Variants in FGD6 observed in about 807,000 individuals in gnomAD.
FGD6 encodes FYVE, RhoGEF and PH domain containing 6, also known as FYVE, RhoGEF and PH domain-containing protein 6.
FGD6 carries 90 observed loss-of-function variants against 149.4 expected under a neutral mutation model. The ratio of observed to expected loss-of-function variants is 0.60; its 90% CI spans 0.51 to 0.72. FGD6 has a LOEUF of 0.72. FGD6 is among the 30% of genes least tolerant of loss of function. FGD6 has a pLI of 0.00. For missense variants in FGD6, 1,437 were observed against 1,684.8 expected (o/e 0.85, Z 2.57); for synonymous variants, 527 against 584.0 (o/e 0.90, Z 1.41).
chr12:95,201,022 CTT>C (rs370984599), intron 2 of FGD6, among the ~76,000 whole-genome samples: 5 of 143,884 alleles, frequency 3.5e-5, no homozygotes, highest in Admixed American at 7.0e-5. Flanking sequence ...GTCTAGTCTG[CTT>C]TTTTTTTTTT....
At chr12:95,178,930 C>A (rs1881205462) in intron 2 of FGD6, among the ~76,000 whole-genome samples, 1 of 151,974 alleles carries the variant, frequency 6.6e-6, no homozygotes, top group African/African-American at 2.4e-5. Flanking sequence ...AACAACTGAG[C>A]CTTTCAAACT....
intron 8 of FGD6, among the ~76,000 whole-genome samples, chr12:95,119,881 C>CT (rs1297238018): frequency 2.0e-5 from 3 of 152,122 alleles, no homozygotes; most frequent in Non-Finnish European, 2.9e-5. Flanking sequence ...GATTGTGCCA[C>CT]TGCACTCCAG....
chr12:95,101,154 G>C (rs1274360279), intron 14 of FGD6: 2 of 150,534 alleles, frequency 1.3e-5, no homozygotes, highest in Non-Finnish European at 2.9e-5. Flanking sequence ...TGGCCAACAT[G>C]GTGAAACCCC....
At chr12:95,206,167 C>T (rs1319911222) in intron 2 of FGD6, among the ~76,000 whole-genome samples, 3 of 152,002 alleles carry the variant, frequency 2.0e-5, no homozygotes, top group Non-Finnish European at 2.9e-5. Flanking sequence ...AAACACACCC[C>T]AATGGCCAAA....
At chr12:95,102,634 G>T (rs1206656141) in intron 14 of FGD6, among the ~76,000 whole-genome samples, 1 of 152,066 alleles carries the variant, frequency 6.6e-6, no homozygotes, top group African/African-American at 2.4e-5. Flanking sequence ...CTAGACACAG[G>T]TATTTGTCTT....
intron 8 of FGD6, among the ~76,000 whole-genome samples, chr12:95,117,840 G>A (rs1879065252): frequency 6.6e-6 from 1 of 151,944 alleles, no homozygotes; most frequent in African/African-American, 2.4e-5. Context: ...TCAAGAGTTC[G>A]AGACCAGCCT....
intron 2 of FGD6, among the ~76,000 whole-genome samples, chr12:95,195,258 T>C (rs554533455): frequency 6.6e-6 from 1 of 152,296 alleles, no homozygotes; most frequent in Non-Finnish European, 1.5e-5. Context: ...AAAATGTCAC[T>C]ATGTTTACAT....
intron 1 of FGD6, among the ~76,000 whole-genome samples, chr12:95,211,513 C>A (rs1478257824): frequency 6.6e-6 from 1 of 150,486 alleles, no homozygotes; most frequent in East Asian, 1.9e-4. Flanking sequence ...AGCTTTGGAA[C>A]TGTTACCATA....
chr12:95,113,543 C>A, intron 9 of FGD6, 108 bp downstream of exon 9: 2 of 891,130 alleles, frequency 2.2e-6, no homozygotes, highest in Non-Finnish European at 3.5e-6. Flanking sequence ...CCCTTCAAGT[C>A]GTATGAAGAG....
intron 1 of FGD6, among the ~76,000 whole-genome samples, chr12:95,214,531 G>A (rs1445080630): frequency 6.6e-6 from 1 of 151,938 alleles, no homozygotes; most frequent in Admixed American, 6.6e-5. Context: ...CATGACATTT[G>A]GCAATAAATC....
chr12:95,108,418 T>A lies in FGD6; in HGVS notation c.3194A>T (p.Asp1065Val). 1.2e-6 allele frequency: 2 copies of A among 1,614,080 alleles called. No homozygotes were observed. The highest frequency in any genetic ancestry group is 1.7e-6 in the Non-Finnish European group (2 of 1,179,978). The part of the protein sequence containing the change: ...NHANDTMKQG[D>V]NFQKLMQIQY... ...AATTTGCATAAGTTTCTGAAAGTTG[T>A]CCTACAGAAAGACAATGGAAAGCAT... Residue 1065 changes from aspartate to valine, a missense_variant and splice_region_variant, in exon 11 of 21, where the codon GAC (aspartate) becomes GTC (valine). Transcript: ENST00000343958.
intron 5 of FGD6, among the ~76,000 whole-genome samples, chr12:95,143,097 A>G (rs1475125972): frequency 6.6e-6 from 1 of 152,044 alleles, no homozygotes; most frequent in African/African-American, 2.4e-5. Flanking sequence ...CAGCAGTTTT[A>G]ATTAAAATCT....
At chr12:95,196,161 T>G (rs891884070) in intron 2 of FGD6, among the ~76,000 whole-genome samples, 19 of 152,172 alleles carry the variant, frequency 1.2e-4, no homozygotes, top group African/African-American at 4.3e-4. Flanking sequence ...TTTTGAGTAA[T>G]TTCGTATTTT....
chr12:95,156,054 G>A (rs1388621853), intron 3 of FGD6, among the ~76,000 whole-genome samples: 1 of 152,134 alleles, frequency 6.6e-6, no homozygotes. Context: ...CGTAAGCTGA[G>A]GGGGATGTAT....
Position 95,141,392 on chromosome 12 carries a change from G to T in FGD6, c.2833C>A (p.His945Asn). Residue 945 changes from histidine to asparagine, a missense_variant, in exon 6 of 21, where the codon CAC becomes AAC. Coordinates refer to ENST00000343958, the MANE Select transcript of FGD6 (RefSeq NM_018351.4). Reference sequence around the variant, plus strand: ...CTGAAAACGGTCCATTTTTACCAGTGCAACATTCTTTCCTCCAGTTCCTTC... The same window carrying T: ...CTGAAAACGGTCCATTTTTACCAGTTCAACATTCTTTCCTCCAGTTCCTTC... ...LLKELEERML[H>N]WTEQQRIADI... 6.2e-7 allele frequency: 1 copy of T among 1,613,800 alleles called. No homozygotes were observed. Among genetic ancestry groups the T allele is most frequent in the Non-Finnish European group, 8.5e-7 (1 of 1,179,820 alleles).
chr12:95,203,955 C>T (rs2056677356), intron 2 of FGD6, among the ~76,000 whole-genome samples: 1 of 152,162 alleles, frequency 6.6e-6, no homozygotes, highest in Non-Finnish European at 1.5e-5. Context: ...AGGAACTTCT[C>T]TCTGAACATC....
At chr12:95,118,399 T>C (rs1034999917) in intron 8 of FGD6, among the ~76,000 whole-genome samples, 2 of 151,376 alleles carry the variant, frequency 1.3e-5, no homozygotes, top group Non-Finnish European at 2.9e-5. Flanking sequence ...ACCCAATATA[T>C]ACTATATCTT....
chr12:95,210,895 T>C lies in FGD6; in HGVS notation c.389A>G (p.Gln130Arg). ...LGHRENLCVK[Q>R]LVLEPLEMNE... ...CATTTCCAGGGGCTCTAAAACAAGC[T>C]GCTTTACACACAAATTCTCTCTATG... The change falls in exon 2 of 21, where the codon CAG becomes CGG. Residue 130 changes from glutamine to arginine, a missense_variant. Physicochemically the swap from Gln to Arg is conservative, Grantham distance 43. Transcript: ENST00000343958. 1.2e-6 allele frequency: 2 copies of C among 1,613,040 alleles called. No individual in the cohort carries two copies. The highest frequency in any genetic ancestry group is 1.7e-6 in the Non-Finnish European group (2 of 1,179,792).
chr12:95,195,494 T>C (rs1200525818), intron 2 of FGD6, among the ~76,000 whole-genome samples: 2 of 151,698 alleles, frequency 1.3e-5, no homozygotes, highest in African/African-American at 2.4e-5. Flanking sequence ...CCTACACCTG[T>C]AGACTAAAAA....
Sources: allele counts gnomAD v4.1 joint callset (sites outside exome capture counted in the v4.1 genomes callset), GRCh38; gene constraint gnomAD v4.1.1; transcripts MANE v1.5; gene names NCBI Gene and HGNC (gene_info 2026-07-23, HGNC 2026-07-21).